The following HDAC9 variants were observed in gnomAD, a reference collection of about 807,000 sequenced individuals.
HDAC9 encodes the protein MEF-2 interacting transcription repressor (MITR) protein.
A neutral mutation model predicts 139.4 loss-of-function variants in HDAC9; 41 were observed. That is an observed-to-expected ratio of 0.29 (90% CI 0.23 to 0.38). The LOEUF (loss-of-function observed/expected upper bound fraction) is 0.38. Among genes scored for constraint, HDAC9 ranks in the 10% least tolerant of loss-of-function variants. HDAC9 has a pLI of 1.00. For missense variants in HDAC9, 1,147 were observed against 1,297.0 expected (o/e 0.88, Z 1.78); for synonymous variants, 517 against 476.2 (o/e 1.09, Z -1.12).
chr7:18,270,476 A>G (rs1213815814), intron 2 of HDAC9, among the ~76,000 whole-genome samples: 1 of 152,172 alleles, frequency 6.6e-6, no homozygotes, highest in Non-Finnish European at 1.5e-5. Context: ...GAAAAGGCCA[A>G]GTACATTGGT....
In HDAC9 at chr7:18,232,975, G is replaced by C. The variant is rs531375369; in HGVS notation, c.25+70626G>C. Among the ~76,000 whole-genome samples, 10 of 152,204 alleles carry C rather than the reference G, an allele frequency of 6.6e-5. No homozygotes were observed. The South Asian group carries it at 2.1e-3, about 32-fold the overall frequency. ...TTTTGCGTGCTGTACTCTTCTCTCAGATATCTAGGAGACTCAATTAAACTA... is the reference window on the plus strand; with the variant it reads ...TTTTGCGTGCTGTACTCTTCTCTCACATATCTAGGAGACTCAATTAAACTA... On this transcript the variant is annotated intron_variant, in intron 2 of 12. Transcript: ENST00000417496.
intron 8 of HDAC9, among the ~76,000 whole-genome samples, chr7:18,636,705 G>C (rs1784007466): frequency 6.6e-6 from 1 of 151,942 alleles, no homozygotes; most frequent in African/African-American, 2.4e-5. Context: ...TCAAAAACAT[G>C]ATAGCAGATG....
chr7:18,572,352 C>G (rs926384494), intron 2 of HDAC9, among the ~76,000 whole-genome samples: 1 of 146,718 alleles, frequency 6.8e-6, no homozygotes, highest in Non-Finnish European at 1.5e-5. Context: ...TTGTCATATT[C>G]AAATATGACA....
intron 22 of HDAC9, among the ~76,000 whole-genome samples, chr7:18,918,332 A>G (rs544176142): frequency 6.7e-6 from 1 of 149,132 alleles, no homozygotes; most frequent in Admixed American, 6.7e-5. Context: ...GCAGCTTGAC[A>G]TGGGGGGGAT....
At chr7:18,836,474 A>G (rs567819192) in intron 21 of HDAC9, among the ~76,000 whole-genome samples, 1 of 152,258 alleles carries the variant, frequency 6.6e-6, no homozygotes, top group South Asian at 2.1e-4. Flanking sequence ...ATCTCATTTG[A>G]TGGTAGGGTA....
At chr7:18,644,616 T>G in intron 8 of HDAC9, 55 bp from the exon 9 acceptor site, 1 of 1,503,176 alleles carries the variant, frequency 6.7e-7, no homozygotes. Flanking sequence ...GAGAACATTT[T>G]ACAGTAAAAT....
chr7:18,601,986 A>G (rs1175178732), intron 6 of HDAC9, among the ~76,000 whole-genome samples: 1 of 152,166 alleles, frequency 6.6e-6, no homozygotes, highest in African/African-American at 2.4e-5. Flanking sequence ...CCTCATAGAA[A>G]GAGTTAGGAA....
At chr7:18,132,037 A>G (rs1160008832) in intron 1 of HDAC9, among the ~76,000 whole-genome samples, 1 of 152,158 alleles carries the variant, frequency 6.6e-6, no homozygotes, top group Non-Finnish European at 1.5e-5. Flanking sequence ...TTACAGACTT[A>G]GAGATATAAG....
chr7:18,180,408 T>C (rs1018273474), intron 2 of HDAC9, among the ~76,000 whole-genome samples: 2 of 151,938 alleles, frequency 1.3e-5, no homozygotes, highest in African/African-American at 4.8e-5. Flanking sequence ...TGATTTTCTT[T>C]TTTCTTTTTT....
At chr7:18,142,670 A>G (rs1785991289) in intron 1 of HDAC9, among the ~76,000 whole-genome samples, 1 of 152,222 alleles carries the variant, frequency 6.6e-6, no homozygotes, top group African/African-American at 2.4e-5. Flanking sequence ...ATTTTAGGCC[A>G]TTCTAATGAC....
chr7:18,788,215 G>C (rs1432954558), intron 16 of HDAC9, among the ~76,000 whole-genome samples: 1 of 152,084 alleles, frequency 6.6e-6, no homozygotes, highest in African/African-American at 2.4e-5. Flanking sequence ...GCTCACATTG[G>C]TAATGGGGTT....
intron 11 of HDAC9, among the ~76,000 whole-genome samples, chr7:18,661,188 C>T (rs893733935): frequency 6.6e-6 from 1 of 151,836 alleles, no homozygotes; most frequent in African/African-American, 2.4e-5. Context: ...GGCTTGCTCA[C>T]AAATTAAATG....
chr7:18,270,847 A>G (rs1055959928), intron 2 of HDAC9, among the ~76,000 whole-genome samples: 6 of 152,178 alleles, frequency 3.9e-5, no homozygotes, highest in African/African-American at 1.4e-4. Flanking sequence ...TTATATCATC[A>G]TTGGAAATGG....
intron 21 of HDAC9, among the ~76,000 whole-genome samples, chr7:18,844,461 A>G (rs757940024): frequency 6.6e-6 from 1 of 152,216 alleles, no homozygotes; most frequent in Non-Finnish European, 1.5e-5. Flanking sequence ...TTTACATCCC[A>G]AAACACTTGT....
intron 1 of HDAC9, among the ~76,000 whole-genome samples, chr7:18,293,625 C>A (rs1797960810): frequency 6.6e-6 from 1 of 152,068 alleles, no homozygotes; most frequent in African/African-American, 2.4e-5. Flanking sequence ...CTAATGTCTT[C>A]ATCTCATAAG....
chr7:18,300,107 G>A (rs1368920772), intron 1 of HDAC9, among the ~76,000 whole-genome samples: 2 of 152,080 alleles, frequency 1.3e-5, no homozygotes, highest in Non-Finnish European at 2.9e-5. Flanking sequence ...TGGCCTGCGG[G>A]CCATGTGCAG....
chr7:18,613,261 A>G (rs1401689406), intron 6 of HDAC9, among the ~76,000 whole-genome samples: 1 of 152,018 alleles, frequency 6.6e-6, no homozygotes, highest in Admixed American at 6.6e-5. Context: ...GCAATCTTCT[A>G]ATTCAAGCTG....
chr7:18,991,448 T>C lies in HDAC9; in HGVS notation c.3171-4575T>C, dbSNP rs199777306. On this transcript the variant is annotated intron_variant, in intron 25 of 25. Coordinates refer to ENST00000686413, the MANE Select transcript of HDAC9 (RefSeq NM_178425.4). ...GAGGTCAGATCAAGACCATCCTGGC[T>C]AACACGGTGAAACCCTGTCTCTACT... is the stretch of plus-strand genomic sequence containing the variant. 3.8e-3 allele frequency among the ~76,000 whole-genome samples: 584 copies of C among 152,234 alleles called. 2 individuals carry two copies. Among genetic ancestry groups the C allele is most frequent in the Middle Eastern group, 6.8e-3 (2 of 294 alleles).
intron 6 of HDAC9, among the ~76,000 whole-genome samples, chr7:18,614,956 G>C (rs983203950): frequency 6.6e-6 from 1 of 152,170 alleles, no homozygotes; most frequent in East Asian, 1.9e-4. Context: ...CTCAAGTAAA[G>C]GAGAATGATA....
Sources: allele counts gnomAD v4.1 joint callset (sites outside exome capture counted in the v4.1 genomes callset), GRCh38; gene constraint gnomAD v4.1.1; transcripts MANE v1.5; gene names NCBI Gene and HGNC (gene_info 2026-07-23, HGNC 2026-07-21).